Variants in RBFOX3 observed in about 807,000 individuals in gnomAD.
RBFOX3 encodes the protein RNA binding protein fox-1 homolog 3.
RBFOX3 carries 17 observed loss-of-function variants against 48.7 expected under a neutral mutation model. That is an observed-to-expected ratio of 0.35 (90% CI 0.24 to 0.52). The LOEUF is 0.52. Ranked by LOEUF, RBFOX3 falls within the 20% of genes least tolerant of loss-of-function variation. RBFOX3 has a pLI of 0.94. For missense variants in RBFOX3, 382 were observed against 497.5 expected, an observed-to-expected ratio of 0.77 and a Z score of 2.21; for synonymous variants, 212 against 209.5, an observed-to-expected ratio of 1.01 and a Z score of -0.10.
At chr17:79,463,391 A>G (rs1453581051) in intron 2 of RBFOX3, among the ~76,000 whole-genome samples, 4 of 73,726 alleles carry the variant, frequency 5.4e-5, no homozygotes, top group African/African-American at 1.6e-4. Context: ...CACCTCCACC[A>G]CCATCGCCAC....
chr17:79,159,157 AC>A (rs2046424283), intron 4 of RBFOX3, among the ~76,000 whole-genome samples: 1 of 152,058 alleles, frequency 6.6e-6, no homozygotes, highest in Admixed American at 6.5e-5. Flanking sequence ...GGGAGCGGAG[AC>A]CCAAAGAGCT....
chr17:79,100,809 C>T (rs1413639846), intron 9 of RBFOX3, among the ~76,000 whole-genome samples: 1 of 152,220 alleles, frequency 6.6e-6, no homozygotes, highest in Non-Finnish European at 1.5e-5. Flanking sequence ...CAGTGGTCCC[C>T]CTGCTTCTCC....
At chr17:79,377,624 G>T (rs1388890571) in intron 2 of RBFOX3, among the ~76,000 whole-genome samples, 1 of 152,232 alleles carries the variant, frequency 6.6e-6, no homozygotes, top group Non-Finnish European at 1.5e-5. Context: ...GGAGCAGGGA[G>T]CCAGAACGGC....
chr17:79,561,223 A>G (rs2144200105), intron 1 of RBFOX3, among the ~76,000 whole-genome samples: 1 of 152,294 alleles, frequency 6.6e-6, no homozygotes, highest in South Asian at 2.1e-4. Context: ...ACTACCATGT[A>G]TGCCCCTGGG....
rs568141752 is a variant in RBFOX3 at position 79,534,096 on chromosome 17, A to G, written c.-319-51498T>C. On this transcript the variant is annotated intron_variant, in intron 1 of 14. Transcript: ENST00000693108. ...GGGACAGTTGAGGGCAGGAGAGGAA[A>G]TTTTACAACACAGAAACTTGCAATT... Among the ~76,000 whole-genome samples, 4 of 152,354 alleles carry G rather than the reference A, an allele frequency of 2.6e-5. No homozygotes were observed. In the East Asian group the frequency reaches 7.7e-4, roughly 29 times the overall value.
intron 4 of RBFOX3, among the ~76,000 whole-genome samples, chr17:79,191,162 A>C (rs2054445894): frequency 6.6e-6 from 1 of 152,194 alleles, no homozygotes; most frequent in African/African-American, 2.4e-5. Context: ...ATTTGCCATC[A>C]ATTTTTAGAA....
At chr17:79,284,323 G>T (rs1410119809) in intron 3 of RBFOX3, among the ~76,000 whole-genome samples, 3 of 152,040 alleles carry the variant, frequency 2.0e-5, no homozygotes, top group African/African-American at 7.3e-5. Context: ...TTTGGGAAGA[G>T]TAAAACCTAG....
At chr17:79,657,109 A>G in the RBFOX3 span, among the ~76,000 whole-genome samples, 1 of 152,090 alleles carries the variant, frequency 6.6e-6, no homozygotes, top group African/African-American at 2.4e-5. Flanking sequence ...AAGCCCTTCA[A>G]TGGCTCCCCC....
chr17:79,223,706 G>A (rs2059989277), intron 4 of RBFOX3, among the ~76,000 whole-genome samples: 1 of 152,176 alleles, frequency 6.6e-6, no homozygotes, highest in African/African-American at 2.4e-5. Flanking sequence ...AGAGGGGCCG[G>A]GGTGCAGGAC....
At chr17:79,497,026 A>G (rs1400507747) in intron 1 of RBFOX3, among the ~76,000 whole-genome samples, 5 of 152,246 alleles carry the variant, frequency 3.3e-5, no homozygotes, top group African/African-American at 1.2e-4. Context: ...ATCACCTCAA[A>G]GAAGCGGGGC....
chr17:79,214,727 C>T lies in RBFOX3; in HGVS notation c.-34+21039G>A, dbSNP rs904633658. On this transcript the variant is annotated intron_variant, in intron 4 of 14. Coordinates refer to ENST00000693108, the MANE Select transcript of RBFOX3 (RefSeq NM_001350451.2). The surrounding 1 kb of genome is among the most constrained non-coding windows in gnomAD (Gnocchi z 4.7). ...GGAGGGGAGGCTGGAGGCCCAGGGG[C>T]CCCCAGCTACTAGACGGCCCTAGGA... 6.6e-6 allele frequency among the ~76,000 whole-genome samples: 1 copy of T among 151,864 alleles called. No individual in the cohort carries two copies. Among genetic ancestry groups the T allele is most frequent in the African/African-American group, 2.4e-5 (1 of 41,330 alleles).
At chr17:79,619,300 G>T in the RBFOX3 span, among the ~76,000 whole-genome samples, 1 of 152,178 alleles carries the variant, frequency 6.6e-6, no homozygotes, top group East Asian at 1.9e-4. Flanking sequence ...TGAAAACACA[G>T]AAACTTATTC....
At chr17:79,092,210 G>C (rs1023965290) in intron 14 of RBFOX3, 1 of 985,538 alleles carries the variant, frequency 1.0e-6, no homozygotes, top group African/African-American at 1.7e-5. Context: ...GCCAGGAAAT[G>C]TGGCTCTTGC....
At chr17:79,542,259 G>A (rs1471000524) in intron 1 of RBFOX3, among the ~76,000 whole-genome samples, 1 of 152,176 alleles carries the variant, frequency 6.6e-6, no homozygotes, top group African/African-American at 2.4e-5. Flanking sequence ...TCTCCCAAAA[G>A]GCAGCGGCTT....
intron 3 of RBFOX3, among the ~76,000 whole-genome samples, chr17:79,283,196 A>G (rs2071002885): frequency 1.3e-5 from 2 of 151,832 alleles, no homozygotes; most frequent in African/African-American, 4.8e-5. Context: ...TTTCGTGTTC[A>G]TAGCTTCTAG....
At chr17:79,181,034 T>C (rs1293082847) in intron 4 of RBFOX3, among the ~76,000 whole-genome samples, 3 of 152,240 alleles carry the variant, frequency 2.0e-5, no homozygotes, top group South Asian at 2.1e-4. Flanking sequence ...ACCCCAACTA[T>C]GAGCGCTGGT....
chr17:79,190,112 A>G (rs547944514), intron 4 of RBFOX3, among the ~76,000 whole-genome samples: 4 of 152,256 alleles, frequency 2.6e-5, no homozygotes, highest in East Asian at 1.9e-4. Context: ...CTTTCCCCCA[A>G]TCAAATAACA....
intron 3 of RBFOX3, among the ~76,000 whole-genome samples, chr17:79,296,280 G>A (rs1461898036): frequency 6.8e-6 from 1 of 147,098 alleles, no homozygotes; most frequent in Non-Finnish European, 1.5e-5. Flanking sequence ...CCGCAAAAAG[G>A]CACAAACAGA....
At chr17:79,463,915 A>C (rs62061744) in intron 2 of RBFOX3, among the ~76,000 whole-genome samples, 1 of 88,230 alleles carries the variant, frequency 1.1e-5, no homozygotes, top group South Asian at 3.8e-4. Flanking sequence ...CACCACCACC[A>C]CCATTGCCAC....
Sources: gnomAD v4.1 joint callset for allele counts (sites outside exome capture counted in the v4.1 genomes callset) on GRCh38, gnomAD v4.1.1 for gene constraint, Gnocchi (gnomAD v3.1) non-coding constraint, MANE v1.5 for transcripts, NCBI Gene and HGNC (gene_info 2026-07-23, HGNC 2026-07-21) for gene names.